The following ADGRG1 variants were observed in gnomAD, a reference collection of about 807,000 sequenced individuals.
ADGRG1 encodes the protein adhesion G protein-coupled receptor G1.
Under a neutral mutation model 73.5 loss-of-function variants are expected in ADGRG1, and 53 were observed. The observed-to-expected ratio is 0.72, with a 90% CI of 0.58 to 0.91. ADGRG1 has a LOEUF of 0.91. Ranked by LOEUF, ADGRG1 falls within the 40% of genes least tolerant of loss-of-function variation. ADGRG1 has a pLI of 0.00. For missense variants in ADGRG1, 795 were observed against 871.8 expected, an observed-to-expected ratio of 0.91 and a Z score of 1.11; for synonymous variants, 394 against 374.4, an observed-to-expected ratio of 1.05 and a Z score of -0.60.
intron 1 of ADGRG1, chr16:57,632,884 T>G (rs1393086914): frequency 1.0e-6 from 1 of 985,316 alleles, no homozygotes; most frequent in Non-Finnish European, 1.2e-6. Flanking sequence ...CCTGGTGGCC[T>G]GAAAAGTTCT....
upstream of ADGRG1, chr16:57,626,528 C>G (rs1392287812): frequency 1.1e-6 from 1 of 944,560 alleles, no homozygotes; most frequent in Non-Finnish European, 1.3e-6. Flanking sequence ...TAGGTCTCTG[C>G]AAAGTCCGAC....
At chr16:57,641,591 G>T in intron 1 of ADGRG1, 5 of 893,914 alleles carry the variant, frequency 5.6e-6, no homozygotes, top group Non-Finnish European at 6.6e-6. Flanking sequence ...TTTGAGACAG[G>T]GTCTCGCTCT....
At chr16:57,644,326 C>A in intron 1 of ADGRG1, 2 of 372,996 alleles carry the variant, frequency 5.4e-6, no homozygotes, top group South Asian at 2.2e-4. Context: ...CAAGGACATT[C>A]ATGCATGGGC....
In ADGRG1 at chr16:57,650,071, C is replaced by T. The variant is rs111238693; in HGVS notation, c.-35-182C>T. The T allele has an allele frequency of 8.9e-4, 843 of 944,920 alleles. 5 individuals carry two copies. The African/African-American group carries it at 0.014, about 16-fold the overall frequency. 58.5% of individuals were successfully genotyped at this position (944,920 alleles called of 1,614,324 possible). A position where few individuals can be genotyped will look rare whatever the true frequency, so the allele number is the denominator to read the frequency against. On this transcript the variant is annotated intron_variant, in intron 1 of 13. Transcript: ENST00000562631. ...GGGATTACAGACATAAGTCACCACG[C>T]CTGGCCTCACTGCCTCTTGGGGAGC...
At position 57,653,203 on chromosome 16, in the gene ADGRG1, G is replaced by C; in HGVS notation, c.488G>C (p.Ser163Thr). 1 of 1,608,098 alleles carries C rather than the reference G, an allele frequency of 6.2e-7. No homozygotes were observed. The highest frequency in any genetic ancestry group is 8.5e-7 in the Non-Finnish European group (1 of 1,179,816). The change falls in exon 4 of 14, where the codon AGT (serine) becomes ACT (threonine). Residue 163 changes from serine (S) to threonine (T), a missense_variant and splice_region_variant. Ser to Thr is a moderately conservative substitution (Grantham distance 58). Transcript: ENST00000562631. ...GGGGGCCTGTCCACCCCTCCCCCAGGTCCTCCCCACACGGCCGCTCACAAT... is the reference window on the plus strand; with the variant it reads ...GGGGGCCTGTCCACCCCTCCCCCAGCTCCTCCCCACACGGCCGCTCACAAT... ...SAASFTFSFH[S>T]PPHTAAHNAS...
rs1226067139 is a variant in ADGRG1, at chr16:57,657,455, C to T, written c.1250C>T (p.Ala417Val). 1 of 1,613,990 alleles carries T rather than the reference C, an allele frequency of 6.2e-7. No homozygotes were observed. Among genetic ancestry groups the T allele is most frequent in the Non-Finnish European group, 8.5e-7 (1 of 1,179,864 alleles). Residue 417 changes from alanine (A) to valine (V), a missense_variant, in exon 10 of 14, where the codon GCC (alanine) becomes GTC (valine). Ala to Val is a moderately conservative substitution (Grantham distance 64). Transcript: ENST00000562631. ...GTGGGCTGTGTCGTCTCTGCCCTGG[C>T]CTGCCTTGTCACCATTGCCGCCTAC... ...SYVGCVVSAL[A>V]CLVTIAAYLC...
At chr16:57,630,176 T>G in intron 1 of ADGRG1, 2 of 398,958 alleles carry the variant, frequency 5.0e-6, no homozygotes, top group Non-Finnish European at 6.8e-6. Flanking sequence ...CCAAGCCCCC[T>G]GCCCCTCCCA....
chr16:57,632,648 C>T (rs6499905), intron 1 of ADGRG1, among the ~76,000 whole-genome samples: 49,942 of 152,158 alleles, frequency 0.33, 8,426 homozygotes, highest in African/African-American at 0.4. Flanking sequence ...TCCAGCCTGA[C>T]TCGTGCTTTG....
chr16:57,625,897 T>C (rs1193925553), upstream of ADGRG1, among the ~76,000 whole-genome samples: 1 of 152,196 alleles, frequency 6.6e-6, no homozygotes, highest in African/African-American at 2.4e-5. Flanking sequence ...TCCCTCTGCC[T>C]GGGGTGCCCT....
chr16:57,629,894 C>A, intron 1 of ADGRG1: 1 of 473,982 alleles, frequency 2.1e-6, no homozygotes, highest in Non-Finnish European at 2.8e-6. Context: ...CCCTGTGCCC[C>A]ACTGGGAGAG....
chr16:57,631,158 AG>A, intron 1 of ADGRG1: 1 of 986,016 alleles, frequency 1.0e-6, no homozygotes, highest in Non-Finnish European at 1.2e-6. Flanking sequence ...GAGGGAGACG[AG>A]GGGGAGGTGG....
intron 1 of ADGRG1, among the ~76,000 whole-genome samples, chr16:57,644,658 ATCACACACTCC>A (rs1422755021): frequency 6.2e-4 from 80 of 129,808 alleles, no homozygotes; most frequent in African/African-American, 2.2e-3. Context: ...ACGCACACTC[ATCACACACTCC>A]TCACACACTC....
In ADGRG1 at chr16:57,656,608, A is replaced by T. The variant is rs1265762016; in HGVS notation, c.1158A>T (p.Ala386=). The T allele has an allele frequency of 6.2e-7, 1 of 1,605,710 alleles. No homozygotes were observed. Among genetic ancestry groups the T allele is most frequent in the East Asian group, 2.2e-5 (1 of 44,842 alleles). ...TCTGCAACCACTTGACCTACTTTGCAGTGCTGATGGTGAGGGTCCCTGCTC... is the reference window on the plus strand; with the variant it reads ...TCTGCAACCACTTGACCTACTTTGCTGTGCTGATGGTGAGGGTCCCTGCTC... ...SCFCNHLTYF[A]VLMVSSVEVD... is the part of the protein sequence containing the mutation. Residue 386 remains alanine, a synonymous_variant, in exon 9 of 14, where the codon GCA becomes GCT. Transcript: ENST00000562631.
Position 57,654,060 on chromosome 16 carries a change from G to A in ADGRG1, c.695G>A (p.Arg232Gln), listed in dbSNP as rs751686396. Residue 232 changes from arginine (R) to glutamine (Q), a missense_variant, in exon 5 of 14, where the codon CGG becomes CAG. Transcript: ENST00000562631. ...GACATGGTGTCCTTCGAGGAGGACC[G>A]GATCAACGCCACGGTGTGGAAGCTC... ...MGDMVSFEED[R>Q]INATVWKLQP... 48 of 1,613,882 alleles carry A rather than the reference G, an allele frequency of 3.0e-5. No homozygotes were observed. In the Middle Eastern group the frequency reaches 1.3e-3, roughly 44 times the overall value.
At chr16:57,658,167 G>A (rs148843371) in intron 10 of ADGRG1, among the ~76,000 whole-genome samples, 23 of 152,356 alleles carry the variant, frequency 1.5e-4, no homozygotes, top group Admixed American at 5.2e-4. Context: ...TGAATAAGCA[G>A]ATTTGTGAGA....
At chr16:57,663,431 C>A in intron 13 of ADGRG1, 21 bp from the exon 14 acceptor site, 1 of 1,613,588 alleles carries the variant, frequency 6.2e-7, no homozygotes, top group Admixed American at 1.7e-5. Context: ...CCTGCTGACC[C>A]CGTGCCCTCA....
chr16:57,632,500 T>A (rs1156589119), intron 1 of ADGRG1, among the ~76,000 whole-genome samples: 8 of 152,334 alleles, frequency 5.3e-5, no homozygotes, highest in Middle Eastern at 3.4e-3. Flanking sequence ...AGCCTTTTTT[T>A]AATACCTCTC....
intron 1 of ADGRG1, chr16:57,630,088 T>A: frequency 2.4e-6 from 2 of 827,412 alleles, no homozygotes; most frequent in Non-Finnish European, 2.9e-6. Flanking sequence ...TACTGTGCAC[T>A]CTGTGCTCTG....
chr16:57,648,788 G>A (rs138026745), intron 1 of ADGRG1: 20,083 of 836,288 alleles, frequency 0.024, 252 homozygotes, highest in Admixed American at 0.027. Flanking sequence ...TCTGCCACAG[G>A]GCCGGCTGGC....
Sources: gnomAD v4.1 joint callset for allele counts (sites outside exome capture counted in the v4.1 genomes callset) on GRCh38, gnomAD v4.1.1 for gene constraint, MANE v1.5 for transcripts, NCBI Gene and HGNC (gene_info 2026-07-23, HGNC 2026-07-21) for gene names.